TACC1: variants seen among roughly 807,000 people sequenced by gnomAD.
TACC1 encodes the protein transforming acidic coiled-coil-containing protein 1.
TACC1 carries 48 observed loss-of-function variants against 84.4 expected under a neutral mutation model. The ratio of observed to expected loss-of-function variants is 0.57; its 90% CI spans 0.45 to 0.72. TACC1 has a LOEUF of 0.72. Ranked by LOEUF, TACC1 falls within the 30% of genes least tolerant of loss-of-function variation. The pLI is 0.00. For missense variants in TACC1, 920 were observed against 973.0 expected, an observed-to-expected ratio of 0.95 and a Z score of 0.72; for synonymous variants, 372 against 376.3, an observed-to-expected ratio of 0.99 and a Z score of 0.13.
chr8:38,733,271 A>G (rs939813723), intron 1 of TACC1, among the ~76,000 whole-genome samples: 1 of 148,464 alleles, frequency 6.7e-6, no homozygotes. Flanking sequence ...TGCAATAAAT[A>G]CCCTCCATCT....
At chr8:38,766,154 T>C (rs1172632389) in intron 3 of TACC1, among the ~76,000 whole-genome samples, 1 of 152,222 alleles carries the variant, frequency 6.6e-6, no homozygotes, top group Non-Finnish European at 1.5e-5. Context: ...TTGTGGAGAC[T>C]TGGTACCCTT....
intron 3 of TACC1, among the ~76,000 whole-genome samples, chr8:38,821,785 G>T (rs1665498280): frequency 2.0e-5 from 3 of 152,106 alleles, no homozygotes; most frequent in Admixed American, 1.3e-4. Flanking sequence ...TAAGCCACAG[G>T]GAAATGCATC....
At chr8:38,807,253 A>G (rs1260363665) in intron 2 of TACC1, among the ~76,000 whole-genome samples, 3 of 152,156 alleles carry the variant, frequency 2.0e-5, no homozygotes, top group African/African-American at 4.8e-5. Flanking sequence ...GAAAATTCCC[A>G]TCTTCTAATC....
intron 3 of TACC1, among the ~76,000 whole-genome samples, chr8:38,773,846 GA>G (rs1814225294): frequency 6.6e-6 from 1 of 151,906 alleles, no homozygotes; most frequent in Admixed American, 6.6e-5. Flanking sequence ...GAAAAAGAGG[GA>G]AAAAAGGGTA....
intron 4 of TACC1, among the ~76,000 whole-genome samples, chr8:38,826,691 A>G (rs545092696): frequency 6.6e-6 from 1 of 152,346 alleles, no homozygotes; most frequent in African/African-American, 2.4e-5. Flanking sequence ...GAACTTGTTC[A>G]TTTAAATTTA....
intron 1 of TACC1, among the ~76,000 whole-genome samples, chr8:38,731,162 C>T (rs1168744480): frequency 6.6e-6 from 1 of 152,014 alleles, no homozygotes; most frequent in African/African-American, 2.4e-5. Flanking sequence ...TGGTCTTGAA[C>T]TCCTGGTCTC....
chr8:38,744,048 A>G (rs1439780592), intron 2 of TACC1: 1 of 152,182 alleles, frequency 6.6e-6, no homozygotes, highest in African/African-American at 2.4e-5. Flanking sequence ...GAGTTATGTC[A>G]ATTGATTGTC....
At chr8:38,804,299 AT>A (rs995884336) in intron 2 of TACC1, among the ~76,000 whole-genome samples, 11 of 148,336 alleles carry the variant, frequency 7.4e-5, no homozygotes, top group African/African-American at 1.5e-4. Context: ...CACTGTTGCA[AT>A]TTTTTTTTTT....
chr8:38,803,573 T>G (rs975006205), intron 2 of TACC1, among the ~76,000 whole-genome samples: 6 of 152,264 alleles, frequency 3.9e-5, no homozygotes, highest in African/African-American at 1.2e-4. Flanking sequence ...TTAATTGATT[T>G]TCAGATGTTA....
chr8:38,843,472 T>C, intron 11 of TACC1, 77 bp downstream of exon 11: 1 of 1,022,674 alleles, frequency 9.8e-7, no homozygotes, highest in Non-Finnish European at 1.4e-6. Flanking sequence ...AAATCACTGT[T>C]TCGCAACTCC....
intron 3 of TACC1, among the ~76,000 whole-genome samples, chr8:38,781,937 T>A (rs1816072078): frequency 6.6e-6 from 1 of 151,230 alleles, no homozygotes; most frequent in South Asian, 2.1e-4. Flanking sequence ...TTTATTTTAA[T>A]TTTATTTATT....
At chr8:38,740,287 C>T (rs1451844931) in intron 1 of TACC1, among the ~76,000 whole-genome samples, 2 of 152,188 alleles carry the variant, frequency 1.3e-5, no homozygotes, top group African/African-American at 4.8e-5. Context: ...TTCCATTCCA[C>T]ACATTCAGCC....
chr8:38,843,302 T>G lies in TACC1; in HGVS notation c.2135T>G (p.Leu712Trp). The G allele has an allele frequency of 6.3e-7, 1 of 1,596,082 alleles. No individual in the cohort carries two copies. Among genetic ancestry groups the G allele is most frequent in the Non-Finnish European group, 8.5e-7 (1 of 1,172,278 alleles). ...GCTTTGGAACAGAATGAAGAAGCCT[T>G]GAAGAAATGTGCTCAGGATTACTTA... ...LEGFKKNEEA[L>W]KKCAQDYLAR... Residue 712 changes from leucine to tryptophan, a missense_variant, in exon 11 of 13, where the codon TTG (leucine) becomes TGG (tryptophan). Leu to Trp is a moderately conservative substitution (Grantham distance 61). Coordinates refer to ENST00000317827, the MANE Select transcript of TACC1 (RefSeq NM_006283.3).
In TACC1 at chr8:38,820,192, A is replaced by G. The variant is rs539291470; in HGVS notation, c.948A>G (p.Ser316=). ...AGCTGGGGGAGGAGTCGAGGAGCTC[A>G]CCTCTCAAGCTTGAGTTTGATTTCA... ...GVELGEESRS[S]PLKLEFDFTE... is the part of the protein sequence containing the mutation. Residue 316 remains serine (S), a synonymous_variant, in exon 3 of 13, where the codon TCA becomes TCG. Transcript: ENST00000317827. 3.7e-6 allele frequency: 6 copies of G among 1,613,974 alleles called. No individual in the cohort carries two copies. The African/African-American group carries it at 5.3e-5, about 14-fold the overall frequency.
chr8:38,825,528 G>A (rs1483815501), intron 4 of TACC1, among the ~76,000 whole-genome samples, 160 bp downstream of exon 4: 1 of 151,998 alleles, frequency 6.6e-6, no homozygotes, highest in African/African-American at 2.4e-5. Context: ...CTGAAGAGAA[G>A]GCCCCTGAAG....
At chr8:38,742,520 GA>G in intron 2 of TACC1, 4 of 1,116,250 alleles carry the variant, frequency 3.6e-6, no homozygotes, top group Non-Finnish European at 3.8e-6. Context: ...ATTTCCTAGT[GA>G]AAAATAACAG....
At chr8:38,781,996 TA>T (rs1369641871) in intron 3 of TACC1, among the ~76,000 whole-genome samples, 8 of 150,272 alleles carry the variant, frequency 5.3e-5, no homozygotes, top group South Asian at 4.2e-4. Flanking sequence ...TATTTTTTAT[TA>T]TTTTTTTTTG....
chr8:38,788,000 C>T, intron 1 of TACC1: 2 of 493,774 alleles, frequency 4.1e-6, no homozygotes, highest in East Asian at 3.8e-5. Context: ...TCCCCGCTGG[C>T]CTCGGTCACT....
At chr8:38,825,443 G>C (rs1827835481) in intron 4 of TACC1, 75 bp downstream of exon 4, 2 of 1,566,180 alleles carry the variant, frequency 1.3e-6, no homozygotes, top group East Asian at 2.2e-5. Flanking sequence ...CCCCTGGCGG[G>C]TGGTTCAAAA....
Sources: allele counts gnomAD v4.1 joint callset (sites outside exome capture counted in the v4.1 genomes callset), GRCh38; gene constraint gnomAD v4.1.1; transcripts MANE v1.5; gene names NCBI Gene and HGNC (gene_info 2026-07-23, HGNC 2026-07-21).